The following DRC8 variants were observed in gnomAD, a reference collection of about 807,000 sequenced individuals.
DRC8 encodes the protein dynein regulatory complex subunit 8, also known as dynein regulatory complex protein 8.
the DRC8 span, among the ~76,000 whole-genome samples, chr1:245,105,067 G>A: frequency 1.3e-5 from 2 of 152,184 alleles, no homozygotes; most frequent in Non-Finnish European, 1.5e-5. Context: ...TCTATTCCCT[G>A]TATTTCCCGT....
At chr1:244,975,947 A>T in the DRC8 span, among the ~76,000 whole-genome samples, 1 of 152,282 alleles carries the variant, frequency 6.6e-6, no homozygotes, top group Non-Finnish European at 1.5e-5. Flanking sequence ...CTAGTGAATT[A>T]GTAAGTATTA....
At chr1:244,973,359 A>C in the DRC8 span, among the ~76,000 whole-genome samples, 1 of 152,224 alleles carries the variant, frequency 6.6e-6, no homozygotes, top group Admixed American at 6.5e-5. Context: ...GTACCCTCTA[A>C]GTTCCAAAAG....
the DRC8 span, among the ~76,000 whole-genome samples, chr1:245,110,359 G>A: frequency 6.6e-6 from 1 of 151,554 alleles, no homozygotes. Flanking sequence ...ATTCTAACCT[G>A]GGCGACAGAA....
the DRC8 span, among the ~76,000 whole-genome samples, chr1:245,034,759 A>G: frequency 2.6e-5 from 4 of 152,068 alleles, no homozygotes; most frequent in Admixed American, 6.5e-5. Flanking sequence ...GCTAGGGAAA[A>G]TAGGTAAACT....
chr1:244,982,773 G>C, the DRC8 span, among the ~76,000 whole-genome samples: 1 of 151,714 alleles, frequency 6.6e-6, no homozygotes, highest in Non-Finnish European at 1.5e-5. Flanking sequence ...AGAAAGAATA[G>C]AGCAGAAGAA....
At chr1:245,074,111 T>G in the DRC8 span, among the ~76,000 whole-genome samples, 1 of 152,236 alleles carries the variant, frequency 6.6e-6, no homozygotes, top group African/African-American at 2.4e-5. Flanking sequence ...ATATTTAACT[T>G]GACCAAAACT....
At chr1:245,034,344 T>A in the DRC8 span, among the ~76,000 whole-genome samples, 1 of 152,048 alleles carries the variant, frequency 6.6e-6, no homozygotes, top group African/African-American at 2.4e-5. Flanking sequence ...CTCATGCCTG[T>A]AATCCCAGCA....
the DRC8 span, among the ~76,000 whole-genome samples, chr1:245,068,450 C>T: frequency 6.6e-6 from 1 of 151,382 alleles, no homozygotes; most frequent in Non-Finnish European, 1.5e-5. Flanking sequence ...CTATCGTATT[C>T]TTTTTTTTAG....
chr1:245,092,832 GTGAGCCATGAT>G, the DRC8 span, among the ~76,000 whole-genome samples: 1 of 152,206 alleles, frequency 6.6e-6, no homozygotes, highest in East Asian at 1.9e-4. Context: ...CGAGGCTACA[GTGAGCCATGAT>G]TGTACCACTG....
chr1:245,058,761 ACT>A, the DRC8 span, among the ~76,000 whole-genome samples: 3 of 152,182 alleles, frequency 2.0e-5, no homozygotes, highest in African/African-American at 7.2e-5. Context: ...GAGGTGAATA[ACT>A]CATATTTATT....
At chr1:245,048,686 A>C in the DRC8 span, among the ~76,000 whole-genome samples, 178 of 152,028 alleles carry the variant, frequency 1.2e-3, no homozygotes, top group African/African-American at 3.9e-3. Flanking sequence ...GTTTCTCTCT[A>C]TATATGCACA....
the DRC8 span, among the ~76,000 whole-genome samples, chr1:245,063,260 T>TG: frequency 1.3e-5 from 2 of 152,052 alleles, no homozygotes; most frequent in African/African-American, 4.8e-5. Context: ...GCAGCAAGGG[T>TG]GCCCCATCTC....
chr1:245,055,167 A>G, the DRC8 span, among the ~76,000 whole-genome samples: 2 of 152,212 alleles, frequency 1.3e-5, no homozygotes, highest in African/African-American at 2.4e-5. Flanking sequence ...TCACTGCGGC[A>G]TAGCCCTGAG....
chr1:245,071,643 C>T, the DRC8 span, among the ~76,000 whole-genome samples: 18 of 152,216 alleles, frequency 1.2e-4, no homozygotes, highest in African/African-American at 4.1e-4. Flanking sequence ...TATTCATACT[C>T]CCTTCCTGGA....
At chr1:244,976,559 A>C in the DRC8 span, among the ~76,000 whole-genome samples, 1 of 152,216 alleles carries the variant, frequency 6.6e-6, no homozygotes, top group Non-Finnish European at 1.5e-5. Flanking sequence ...GAATAGTCAT[A>C]ATTTTAAAGA....
the DRC8 span, among the ~76,000 whole-genome samples, chr1:245,024,742 C>G: frequency 6.6e-6 from 1 of 151,960 alleles, no homozygotes; most frequent in Non-Finnish European, 1.5e-5. Flanking sequence ...TGGGGGTTCA[C>G]CATATTGGTC....
At chr1:244,985,346 T>A in the DRC8 span, among the ~76,000 whole-genome samples, 5 of 152,244 alleles carry the variant, frequency 3.3e-5, no homozygotes, top group South Asian at 1.0e-3. Context: ...GGCAAGGTAC[T>A]TAGGTGTTCT....
the DRC8 span, among the ~76,000 whole-genome samples, chr1:245,007,016 G>A: frequency 6.6e-6 from 1 of 152,198 alleles, no homozygotes; most frequent in East Asian, 1.9e-4. Flanking sequence ...AATAGAATTA[G>A]GAAGATGAAT....
the DRC8 span, among the ~76,000 whole-genome samples, chr1:245,113,334 G>C: frequency 1.3e-5 from 2 of 152,148 alleles, no homozygotes; most frequent in East Asian, 1.9e-4. Flanking sequence ...GTTGCTTTCA[G>C]GGATCTTAAC....
Sources: gnomAD v4.1 joint callset for allele counts (sites outside exome capture counted in the v4.1 genomes callset) on GRCh38, gnomAD v4.1.1 for gene constraint, MANE v1.5 for transcripts, NCBI Gene and HGNC (gene_info 2026-07-23, HGNC 2026-07-21) for gene names.